The following CDH13 variants were observed in gnomAD, a reference collection of about 807,000 sequenced individuals.
The protein encoded by CDH13 is cadherin-13.
A neutral mutation model predicts 63.8 loss-of-function variants in CDH13; 24 were observed. That is an observed-to-expected ratio of 0.38 (90% confidence interval 0.27 to 0.53). The LOEUF is 0.53. CDH13 is among the 20% of genes least tolerant of loss of function. The pLI is 0.85. For missense variants in CDH13, 1,049 were observed against 903.1 expected, an observed-to-expected ratio of 1.16 and a Z score of -2.07; for synonymous variants, 503 against 355.3, an observed-to-expected ratio of 1.42 and a Z score of -4.67.
intron 5 of CDH13, among the ~76,000 whole-genome samples, chr16:83,278,249 C>T (rs565067798): frequency 6.6e-6 from 1 of 152,270 alleles, no homozygotes; most frequent in African/African-American, 2.4e-5. Flanking sequence ...AGATATGACT[C>T]CTTTATCTCT....
At position 83,534,891 on chromosome 16, in the gene CDH13, T is replaced by G. The variant is rs185235036; in HGVS notation, c.960+48236T>G. Among the ~76,000 whole-genome samples, 11 of 152,370 alleles carry G rather than the reference T, an allele frequency of 7.2e-5. 1 individual carries two copies. The East Asian group carries it at 1.5e-3, about 21-fold the overall frequency. On this transcript the variant is annotated intron_variant, in intron 7 of 13. Transcript: ENST00000567109. ...TTTATTGATAATGATCAAGGATTTC[T>G]TCTTTACACAAATTCATTAGAGCAC...
intron 1 of CDH13, among the ~76,000 whole-genome samples, chr16:82,834,341 A>G (rs1481606002): frequency 6.6e-6 from 1 of 152,196 alleles, no homozygotes; most frequent in Non-Finnish European, 1.5e-5. Flanking sequence ...AACCACCACG[A>G]GGAGGCCCCT....
At chr16:82,917,863 C>G (rs887880687) in intron 2 of CDH13, among the ~76,000 whole-genome samples, 2 of 141,324 alleles carry the variant, frequency 1.4e-5, no homozygotes, top group Non-Finnish European at 1.5e-5. Flanking sequence ...TGCAGTGAGC[C>G]GAGATCTCAC....
intron 5 of CDH13, among the ~76,000 whole-genome samples, chr16:83,279,091 CTT>C (rs879783645): frequency 6.9e-6 from 1 of 144,424 alleles, no homozygotes; most frequent in Non-Finnish European, 1.5e-5. Flanking sequence ...CTCATTTTAA[CTT>C]TTTTTTTTTT....
intron 3 of CDH13, among the ~76,000 whole-genome samples, chr16:83,102,942 C>CTTTTTTTTTTTTTTTT (rs1567831700): frequency 1.3e-4 from 7 of 51,910 alleles, no homozygotes; most frequent in Non-Finnish European, 1.9e-4. Context: ...TTTTTTTTTT[C>CTTTTTTTTTTTTTTTT]TTTTTCTTTT....
intron 2 of CDH13, among the ~76,000 whole-genome samples, chr16:82,948,222 A>G (rs1271522278): frequency 1.3e-5 from 2 of 152,144 alleles, no homozygotes; most frequent in African/African-American, 4.8e-5. Flanking sequence ...ACTCCCCCAA[A>G]TCTGCTTTCT....
intron 5 of CDH13, among the ~76,000 whole-genome samples, chr16:83,261,202 G>C (rs981032763): frequency 2.0e-5 from 3 of 152,172 alleles, no homozygotes; most frequent in African/African-American, 7.2e-5. Context: ...GGAGTGGGCA[G>C]ATACAGCCAC....
chr16:82,738,657 A>G (rs931775659), intron 1 of CDH13, among the ~76,000 whole-genome samples: 1 of 152,242 alleles, frequency 6.6e-6, no homozygotes, highest in Non-Finnish European at 1.5e-5. Flanking sequence ...TCATGCCAGT[A>G]TCTACCATTT....
intron 1 of CDH13, among the ~76,000 whole-genome samples, chr16:82,750,449 G>A (rs141746797): frequency 1.3e-5 from 2 of 152,118 alleles, no homozygotes; most frequent in Non-Finnish European, 2.9e-5. Context: ...TGGTTATTCT[G>A]CTTATGGACT....
In CDH13 at chr16:83,312,047, G is replaced by T. The variant is rs141391687; in HGVS notation, c.637-32815G>T. 6.7e-3 allele frequency among the ~76,000 whole-genome samples: 987 copies of T among 146,944 alleles called. 5 individuals are homozygous for T. The highest frequency in any genetic ancestry group is 9.2e-3 in the Non-Finnish European group (621 of 67,200). On this transcript the variant is annotated intron_variant, in intron 5 of 13. Coordinates refer to ENST00000567109, the MANE Select transcript of CDH13 (RefSeq NM_001257.5). ...GAGATTGTGCATTGCACTCCAGCCT[G>T]GGCAATAAAACTCCATCTCAAAAAA... is the stretch of plus-strand genomic sequence containing the variant.
intron 2 of CDH13, among the ~76,000 whole-genome samples, chr16:82,874,680 A>T (rs2040448646): frequency 1.3e-5 from 2 of 152,232 alleles, no homozygotes; most frequent in Admixed American, 1.3e-4. Flanking sequence ...ATAACATAAA[A>T]GAAATAAGCA....
intron 1 of CDH13, among the ~76,000 whole-genome samples, chr16:82,756,507 G>A (rs1306898743): frequency 6.6e-6 from 1 of 152,142 alleles, no homozygotes; most frequent in Admixed American, 6.5e-5. Context: ...GCAGTTCCTT[G>A]CCCAAGTTTC....
At chr16:82,709,045 A>G (rs996836458) in intron 1 of CDH13, among the ~76,000 whole-genome samples, 5 of 152,234 alleles carry the variant, frequency 3.3e-5, no homozygotes, top group Non-Finnish European at 7.3e-5. Flanking sequence ...AAGGGTAAGA[A>G]TCAGAGTGAG....
chr16:83,635,365 A>T (rs1319718977), intron 8 of CDH13, among the ~76,000 whole-genome samples: 1 of 92,196 alleles, frequency 1.1e-5, no homozygotes, highest in African/African-American at 4.6e-5. Flanking sequence ...TTTTTTTGAG[A>T]CAGAGTCTCA....
At chr16:83,710,470 C>G (rs1174939167) in intron 10 of CDH13, 2 of 152,122 alleles carry the variant, frequency 1.3e-5, no homozygotes, top group Admixed American at 1.3e-4. Context: ...GCATTGCATG[C>G]TGGCCTTCTG....
intron 2 of CDH13, among the ~76,000 whole-genome samples, chr16:83,024,393 G>T (rs910156678): frequency 1.3e-5 from 2 of 152,066 alleles, no homozygotes; most frequent in African/African-American, 2.4e-5. Context: ...GTAAATAATC[G>T]ATGTGGTATG....
chr16:83,102,935 T>TC (rs1695991131), intron 3 of CDH13, among the ~76,000 whole-genome samples: 2 of 112,060 alleles, frequency 1.8e-5, no homozygotes, highest in Non-Finnish European at 4.0e-5. Context: ...TTTTTCTTTT[T>TC]TTTTTTCTTT....
chr16:82,947,024 G>C (rs1413004349), intron 2 of CDH13, among the ~76,000 whole-genome samples: 1 of 150,802 alleles, frequency 6.6e-6, no homozygotes, highest in Non-Finnish European at 1.5e-5. Flanking sequence ...GTGTGTGTGT[G>C]TGTGTGTGTG....
intron 2 of CDH13, among the ~76,000 whole-genome samples, chr16:82,989,629 T>G (rs2151401563): frequency 6.6e-6 from 1 of 152,318 alleles, no homozygotes; most frequent in South Asian, 2.1e-4. Flanking sequence ...GAGACTTTAA[T>G]TTTCTCGATT....
Sources: allele counts gnomAD v4.1 joint callset (sites outside exome capture counted in the v4.1 genomes callset), GRCh38; gene constraint gnomAD v4.1.1; transcripts MANE v1.5; gene names NCBI Gene and HGNC (gene_info 2026-07-23, HGNC 2026-07-21).